TRIO: variants seen among roughly 807,000 people sequenced by gnomAD.
The protein encoded by TRIO is triple functional domain protein.
In TRIO, 58 loss-of-function variants were observed where a neutral mutation model predicts 351.9. The ratio of observed to expected loss-of-function variants is 0.16; its 90% CI spans 0.13 to 0.21. The LOEUF (loss-of-function observed/expected upper bound fraction) is 0.21. TRIO is among the 10% of genes least tolerant of loss of function. TRIO has a pLI of 1.00. For synonymous variants in TRIO, 1,758 were observed against 1,595.7 expected (o/e 1.10, Z -2.42); for missense variants, 3,201 against 4,027.8 (o/e 0.79, Z 5.56).
chr5:14,433,459 T>C (rs923780683), intron 34 of TRIO, among the ~76,000 whole-genome samples: 6 of 152,190 alleles, frequency 3.9e-5, no homozygotes, highest in African/African-American at 1.4e-4. Context: ...CCTGAGAGAC[T>C]CAATCCTGGT....
Position 14,394,977 on chromosome 5 carries a change from A to G in TRIO, c.4311+847A>G, listed in dbSNP as rs533192049. 5.9e-5 allele frequency among the ~76,000 whole-genome samples: 9 copies of G among 152,332 alleles called. No individual in the cohort carries two copies. In the East Asian group the frequency reaches 7.7e-4, roughly 13 times the overall value. ...TTATTAAGCATTAAAATGTAGAAAC[A>G]TGCATTCATCCCAGTGATGGTATTC... On this transcript the variant is annotated intron_variant, in intron 28 of 56. Coordinates refer to ENST00000344204, the MANE Select transcript of TRIO (RefSeq NM_007118.4).
chr5:14,479,179 G>A (rs973741983), intron 41 of TRIO, 82 bp from the exon 42 acceptor site: 7 of 1,159,620 alleles, frequency 6.0e-6, no homozygotes, highest in Non-Finnish European at 9.1e-6. Context: ...CTTTATGAAT[G>A]TGCTGAAATG....
Position 14,291,884 on chromosome 5 carries a change from A to G in TRIO, c.1053+656A>G, listed in dbSNP as rs1047547439. On this transcript the variant is annotated intron_variant, in intron 5 of 56. Coordinates refer to ENST00000344204, the MANE Select transcript of TRIO (RefSeq NM_007118.4). ...CAATCTATTGAGTATGTTTTTTAAAATCAAGATGAGTAATGTGTTAAAAGT... is the reference window on the plus strand; with the variant it reads ...CAATCTATTGAGTATGTTTTTTAAAGTCAAGATGAGTAATGTGTTAAAAGT... Among the ~76,000 whole-genome samples the G allele has an allele frequency of 4.6e-5, 7 of 151,620 alleles. No individual in the cohort carries two copies. In the South Asian group the frequency reaches 1.3e-3, roughly 27 times the overall value.
rs542974009 is a variant in TRIO, at chr5:14,359,553, C to G, written c.2391+22C>G. The G allele has an allele frequency of 1.7e-4, 280 of 1,608,114 alleles. 1 individual carries two copies. In the South Asian group the frequency reaches 2.9e-3, roughly 17 times the overall value. ...CGACGTGAGTGTCCCGCGGCTGGCG[C>G]CTGCCTGCCTGTGGGAGCCCTTGGC... On this transcript the variant is annotated intron_variant, in intron 13 of 56. Coordinates refer to ENST00000344204, the MANE Select transcript of TRIO (RefSeq NM_007118.4).
intron 1 of TRIO, among the ~76,000 whole-genome samples, chr5:14,204,227 A>G (rs1248644834): frequency 1.3e-5 from 2 of 152,112 alleles, no homozygotes; most frequent in African/African-American, 4.8e-5. Flanking sequence ...ACAATAAAAT[A>G]CTGATTTTGA....
In TRIO at chr5:14,479,948, A is replaced by G. The variant is rs1458865400; in HGVS notation, c.6273A>G (p.Leu2091=). The G allele has an allele frequency of 9.9e-6, 16 of 1,614,030 alleles. No individual in the cohort carries two copies. The highest frequency in any genetic ancestry group is 1.2e-5 in the Non-Finnish European group (14 of 1,179,978). The change falls in exon 43 of 57, where the codon TTA becomes TTG. Residue 2091 remains leucine, a synonymous_variant. Coordinates refer to ENST00000344204, the MANE Select transcript of TRIO (RefSeq NM_007118.4). The stretch of plus-strand genomic sequence containing the variant: ...TAAAGCAGCGTCTTGGCCACAGGTT[A>G]CAGCTCACAGATCTGTTGATCAAAC... ...EDLKQRLGHR[L]QLTDLLIKPV...
At chr5:14,199,757 C>G (rs1175088366) in intron 1 of TRIO, among the ~76,000 whole-genome samples, 1 of 152,150 alleles carries the variant, frequency 6.6e-6, no homozygotes. Flanking sequence ...GGCCTTGAAG[C>G]AAGCCTAATT....
At chr5:14,176,458 A>G (rs1312749106) in intron 1 of TRIO, among the ~76,000 whole-genome samples, 2 of 152,028 alleles carry the variant, frequency 1.3e-5, no homozygotes, top group Non-Finnish European at 2.9e-5. Context: ...TGACACAGCG[A>G]GACTCTGTCT....
rs142810062 is a variant in TRIO, at chr5:14,305,703, T to C, written c.1500+1111T>C. On this transcript the variant is annotated intron_variant, in intron 8 of 56. Coordinates refer to ENST00000344204, the MANE Select transcript of TRIO (RefSeq NM_007118.4). Reference sequence around the variant, plus strand: ...TTCCTGTTGTGCTTCACTGCCCAGCTGTCACTCTCATATCCTTGGGCCTGC... The same window carrying C: ...TTCCTGTTGTGCTTCACTGCCCAGCCGTCACTCTCATATCCTTGGGCCTGC... Among the ~76,000 whole-genome samples the C allele has an allele frequency of 9.6e-3, 1,461 of 152,340 alleles. 27 individuals carry two copies. The highest frequency in any genetic ancestry group is 0.033 in the African/African-American group (1,391 of 41,574).
At chr5:14,212,065 G>A (rs937409189) in intron 1 of TRIO, among the ~76,000 whole-genome samples, 2 of 152,122 alleles carry the variant, frequency 1.3e-5, no homozygotes, top group Non-Finnish European at 2.9e-5. Context: ...CTTGAGCTTG[G>A]GAGTTTGAGG....
At chr5:14,405,764 G>C in intron 31 of TRIO, 84 bp from the exon 32 acceptor site, 1 of 1,461,422 alleles carries the variant, frequency 6.8e-7, no homozygotes, top group East Asian at 2.3e-5. Flanking sequence ...AGAAACTCAA[G>C]GAATGCAGGA....
At chr5:14,173,523 T>C (rs1789231027) in intron 1 of TRIO, among the ~76,000 whole-genome samples, 1 of 152,172 alleles carries the variant, frequency 6.6e-6, no homozygotes, top group South Asian at 2.1e-4. Flanking sequence ...GGTAATGTTC[T>C]TAAGTGTTCT....
intron 33 of TRIO, among the ~76,000 whole-genome samples, chr5:14,408,223 A>G (rs543090670): frequency 1.3e-5 from 2 of 152,168 alleles, no homozygotes; most frequent in Non-Finnish European, 2.9e-5. Context: ...TTGTAGGAGG[A>G]TTCATGATAC....
intron 8 of TRIO, 40 bp from the exon 9 acceptor site, chr5:14,316,472 AC>A: frequency 6.2e-7 from 1 of 1,606,830 alleles, no homozygotes; most frequent in Non-Finnish European, 8.5e-7. Context: ...CCTAGGCCAA[AC>A]CTCAGATCGT....
rs1323340805 is a variant in TRIO at position 14,366,988 on chromosome 5, G to A, written c.2874+9G>A. On this transcript the variant is annotated intron_variant, in intron 16 of 56. Coordinates refer to ENST00000344204, the MANE Select transcript of TRIO (RefSeq NM_007118.4). Reference sequence around the variant, plus strand: ...TCCAGCATGCCATTGAGGTAAGGGCGCTGGGCCTGCCTGTGTGTTGGCTCT... The same window carrying A: ...TCCAGCATGCCATTGAGGTAAGGGCACTGGGCCTGCCTGTGTGTTGGCTCT... 3.1e-6 allele frequency: 5 copies of A among 1,613,772 alleles called. No homozygotes were observed. In the East Asian group the frequency reaches 6.7e-5, roughly 22 times the overall value.
chr5:14,239,166 A>G (rs1411681468), intron 1 of TRIO, among the ~76,000 whole-genome samples: 1 of 152,202 alleles, frequency 6.6e-6, no homozygotes, highest in Non-Finnish European at 1.5e-5. Context: ...GAATAATTTC[A>G]GAATATATAA....
intron 11 of TRIO, among the ~76,000 whole-genome samples, chr5:14,345,966 G>A (rs894641139): frequency 6.6e-6 from 1 of 152,196 alleles, no homozygotes; most frequent in Non-Finnish European, 1.5e-5. Context: ...GAGGAAAGAG[G>A]TAAACTTACC....
intron 49 of TRIO, among the ~76,000 whole-genome samples, chr5:14,493,837 A>G (rs1370847119): frequency 6.6e-6 from 1 of 152,236 alleles, no homozygotes; most frequent in African/African-American, 2.4e-5. Context: ...AAACACACAA[A>G]TAGTAAGAAG....
Position 14,497,079 on chromosome 5 carries a change from G to T in TRIO, c.8019+62G>T. ...AGCATGAGAGAAAGGATCAGGGAGGGCAGAGACTCTGCAGACCTGAAGCTG... is the reference window on the plus strand; with the variant it reads ...AGCATGAGAGAAAGGATCAGGGAGGTCAGAGACTCTGCAGACCTGAAGCTG... On this transcript the variant is annotated intron_variant, in intron 50 of 56. Transcript: ENST00000344204. The surrounding 1 kb of genome is among the most constrained non-coding windows in gnomAD (Gnocchi z 4.4). 3.8e-6 allele frequency: 6 copies of T among 1,592,908 alleles called. No individual in the cohort carries two copies. The highest frequency in any genetic ancestry group is 5.1e-6 in the Non-Finnish European group (6 of 1,168,628).
Sources: allele counts gnomAD v4.1 joint callset (sites outside exome capture counted in the v4.1 genomes callset), GRCh38; gene constraint gnomAD v4.1.1; non-coding constraint Gnocchi (gnomAD v3.1); transcripts MANE v1.5; gene names NCBI Gene and HGNC (gene_info 2026-07-23, HGNC 2026-07-21).